Variants in NOS2 observed in about 807,000 individuals in gnomAD.
The protein encoded by NOS2 is nitric oxide synthase 2.
A neutral mutation model predicts 136.0 loss-of-function variants in NOS2; 96 were observed. The ratio of observed to expected loss-of-function variants is 0.71; its 90% CI spans 0.60 to 0.84. NOS2 has a LOEUF of 0.84. Ranked by LOEUF, NOS2 falls within the 40% of genes least tolerant of loss-of-function variation. NOS2 has a pLI of 0.00. For missense variants in NOS2, 1,237 were observed against 1,496.9 expected, an observed-to-expected ratio of 0.83 and a Z score of 2.87; for synonymous variants, 539 against 587.5, an observed-to-expected ratio of 0.92 and a Z score of 1.20.
chr17:27,774,165 C>T (rs1908588009), intron 12 of NOS2, 92 bp downstream of exon 12: 2 of 959,302 alleles, frequency 2.1e-6, no homozygotes, highest in Non-Finnish European at 2.8e-6. Flanking sequence ...TCCCGTCGTG[C>T]CCTACATGTG....
intron 2 of NOS2, 152 bp downstream of exon 2, chr17:27,798,548 A>T: frequency 1.6e-6 from 1 of 637,222 alleles, no homozygotes; most frequent in Non-Finnish European, 2.8e-6. Context: ...CAGCGGCTGC[A>T]TTGAATTCCA....
chr17:27,798,680 T>G lies in NOS2; in HGVS notation c.110+20A>C, dbSNP rs1308195641. ...GGTGCCCAAGGAGACAAGCAGGAGG[T>G]TCCCCCAGGGAAAACTCACCTGGAG... is the stretch of plus-strand genomic sequence containing the variant. On this transcript the variant is annotated intron_variant, in intron 2 of 26. Coordinates refer to ENST00000313735, the MANE Select transcript of NOS2 (RefSeq NM_000625.4). 3.3e-6 allele frequency: 5 copies of G among 1,501,472 alleles called. No individual in the cohort carries two copies. In the Admixed American group the frequency reaches 8.4e-5, roughly 25 times the overall value. The allele number at this position is 1,501,472 out of a possible 1,614,324, so 93.0% of individuals were successfully genotyped here. A position where few individuals can be genotyped will look rare whatever the true frequency, so the allele number is the denominator to read the frequency against.
intron 5 of NOS2, among the ~76,000 whole-genome samples, chr17:27,785,286 C>T (rs984691722): frequency 1.3e-5 from 2 of 152,126 alleles, no homozygotes; most frequent in African/African-American, 4.8e-5. Context: ...AAATAAATAA[C>T]ATAAGTACTG....
rs1326822461 is a variant in NOS2, at chr17:27,766,494, C to G, written c.2246+16G>C. 1 of 1,606,416 alleles carries G rather than the reference C, an allele frequency of 6.2e-7. No individual in the cohort carries two copies. Among genetic ancestry groups the G allele is most frequent in the Admixed American group, 1.7e-5 (1 of 60,028 alleles). ...TCGACAGAGTATCACCCACGAAGCC[C>G]TGCACTTTCCCTTACCTGGATGTCG... On this transcript the variant is annotated intron_variant, in intron 19 of 26. Coordinates refer to ENST00000313735, the MANE Select transcript of NOS2 (RefSeq NM_000625.4).
intron 11 of NOS2, 41 bp from the exon 12 acceptor site, chr17:27,774,492 G>A: frequency 1.4e-6 from 2 of 1,393,316 alleles, no homozygotes; most frequent in Non-Finnish European, 1.9e-6. Flanking sequence ...ATAAGGGTGG[G>A]GGAATCAGGA....
intron 18 of NOS2, 145 bp downstream of exon 18, chr17:27,767,560 C>T (rs930474979): frequency 2.9e-5 from 27 of 941,186 alleles, no homozygotes; most frequent in Admixed American, 1.4e-4. Context: ...GAGTATTATG[C>T]CCTAACAGGC....
rs869055216 is a variant in NOS2 at position 27,791,769 on chromosome 17, GA to G, written c.111-2082del. ...TGGTCTAGACTGGTGTGGCCTGCCA[GA>G]AAAAAACAAAACAAAACAAAACAAA... On this transcript the variant is annotated intron_variant, in intron 2 of 26. Coordinates refer to ENST00000313735, the MANE Select transcript of NOS2 (RefSeq NM_000625.4). 3.6e-3 allele frequency among the ~76,000 whole-genome samples: 396 copies of G among 111,006 alleles called. 24 individuals are homozygous for G. Among genetic ancestry groups the G allele is most frequent in the African/African-American group, 0.013 (348 of 26,256 alleles). 72.8% of individuals were successfully genotyped at this position (111,006 alleles called of 152,430 possible).
chr17:27,781,919 C>G lies in NOS2; in HGVS notation c.722+96G>C, dbSNP rs1908859971. 3.2e-6 allele frequency: 3 copies of G among 947,098 alleles called. No homozygotes were observed. In the East Asian group the frequency reaches 7.7e-5, roughly 24 times the overall value. The allele number at this position is 947,098 out of a possible 1,614,324, so 58.7% of individuals were successfully genotyped here. On this transcript the variant is annotated intron_variant, in intron 7 of 26. Coordinates refer to ENST00000313735, the MANE Select transcript of NOS2 (RefSeq NM_000625.4). ...TCTTTCTCCCTGGTTTCTCCTGGAG[C>G]TGGAGATGCCTCCCCTAGACCCAAG...
At chr17:27,780,971 T>G (rs1459594442) in intron 8 of NOS2, 65 bp from the exon 9 acceptor site, 11 of 1,599,382 alleles carry the variant, frequency 6.9e-6, no homozygotes, top group East Asian at 6.7e-5. Context: ...TGGGCTCCAC[T>G]CTGTCACTCG....
Position 27,765,586 on chromosome 17 carries a change from C to T in NOS2, c.2377G>A (p.Asp793Asn), listed in dbSNP as rs199958711. 110 of 1,612,102 alleles carry T rather than the reference C, an allele frequency of 6.8e-5. No homozygotes were observed. The highest frequency in any genetic ancestry group is 9.2e-5 in the Non-Finnish European group (109 of 1,179,798). ...LVQGILERVV[D>N]GPTPHQTVRL... ...ACTGTCTGGTGGGGTGTGGGGCCAT[C>T]CACCACTCGCTCCAGGATACCTTGG... Residue 793 changes from aspartate (D) to asparagine (N), a missense_variant, in exon 20 of 27, where the codon GAT becomes AAT. By Grantham distance (23) the Asp-to-Asn change is conservative. Around this residue, in one of 3 missense-constraint regions of NOS2, gnomAD observed 782 missense variants for 909.9 expected, o/e 0.86. Coordinates refer to ENST00000313735, the MANE Select transcript of NOS2 (RefSeq NM_000625.4).
chr17:27,792,411 T>G (rs1336497423), intron 2 of NOS2, among the ~76,000 whole-genome samples: 7 of 152,212 alleles, frequency 4.6e-5, no homozygotes, highest in Non-Finnish European at 7.3e-5. Flanking sequence ...CTTTTTACAG[T>G]GACAATGAAT....
Position 27,757,094 on chromosome 17 carries a change from G to T in NOS2, c.*152C>A. 1 of 599,402 alleles carries T rather than the reference G, an allele frequency of 1.7e-6. No individual in the cohort carries two copies. The highest frequency in any genetic ancestry group is 2.9e-6 in the Non-Finnish European group (1 of 349,318). 37.1% of individuals were successfully genotyped at this position (599,402 alleles called of 1,614,324 possible). ...GCTACTTGTTAGGAGGTCAAGTAAA[G>T]GGCTTGATGGGGAGCAACGTTGAGG... On this transcript the variant is annotated 3_prime_UTR_variant, in exon 27 of 27. Coordinates refer to ENST00000313735, the MANE Select transcript of NOS2 (RefSeq NM_000625.4).
At chr17:27,763,146 C>T (rs1437770976) in intron 21 of NOS2, 141 bp from the exon 22 acceptor site, 28 of 607,962 alleles carry the variant, frequency 4.6e-5, no homozygotes, top group Non-Finnish European at 6.2e-5. Flanking sequence ...GGTGCTGAGA[C>T]GACCAAACTT....
chr17:27,760,571 G>C, intron 24 of NOS2, 52 bp downstream of exon 24: 1 of 1,550,234 alleles, frequency 6.5e-7, no homozygotes, highest in Non-Finnish European at 8.7e-7. Flanking sequence ...CTGCTCCTAG[G>C]CAGGCGCTGG....
At position 27,768,977 on chromosome 17, in the gene NOS2, C is replaced by A; in HGVS notation, c.2034G>T (p.Lys678Asn). Residue 678 changes from lysine to asparagine, a missense_variant and splice_region_variant, in exon 17 of 27, where the codon AAG (lysine) becomes AAT (asparagine). This residue lies in a region of NOS2 where 782 missense variants were observed against 909.9 expected (regional missense o/e 0.86). Transcript: ENST00000313735. ...AFRSWAVQTF[K>N]AACETFDVRG... is the part of the protein sequence containing the mutation. ...GGGGCAGCTCTGGCTGGGAACTGAC[C>A]TTGAAGGTTTGCACGGCCCAGCTGC... 1.9e-6 allele frequency: 3 copies of A among 1,600,900 alleles called. No homozygotes were observed. Among genetic ancestry groups the A allele is most frequent in the Non-Finnish European group, 2.6e-6 (3 of 1,173,564 alleles).
chr17:27,779,161 G>T, intron 9 of NOS2, 105 bp from the exon 10 acceptor site: 2 of 841,926 alleles, frequency 2.4e-6, no homozygotes, highest in Non-Finnish European at 3.2e-6. Flanking sequence ...ATGCTGGAGT[G>T]CAGTGCAGTG....
At chr17:27,767,423 T>G (rs1908340745) in intron 18 of NOS2, among the ~76,000 whole-genome samples, 1 of 152,222 alleles carries the variant, frequency 6.6e-6, no homozygotes, top group East Asian at 1.9e-4. Flanking sequence ...CCAGGCTCAC[T>G]TAGCCCATGT....
At chr17:27,783,444 C>T (rs1251708523) in intron 5 of NOS2, among the ~76,000 whole-genome samples, 2 of 152,206 alleles carry the variant, frequency 1.3e-5, no homozygotes, top group East Asian at 3.8e-4. Context: ...TAATCATATT[C>T]ATCTCAGTAA....
chr17:27,776,710 G>C (rs973993208), intron 11 of NOS2, among the ~76,000 whole-genome samples: 1 of 149,412 alleles, frequency 6.7e-6, no homozygotes, highest in Admixed American at 6.7e-5. Context: ...CTCAGTGGTA[G>C]CCACGATCAT....
Sources: gnomAD v4.1 joint callset for allele counts (sites outside exome capture counted in the v4.1 genomes callset) on GRCh38, gnomAD v4.1.1 for gene constraint, gnomAD v4.1.1 regional missense constraint, MANE v1.5 for transcripts, NCBI Gene and HGNC (gene_info 2026-07-23, HGNC 2026-07-21) for gene names.